MCHR2: variants seen among roughly 807,000 people sequenced by gnomAD.
MCHR2 encodes the protein melanin concentrating hormone receptor 2.
MCHR2 carries 15 observed loss-of-function variants against 24.8 expected under a neutral mutation model. That is an observed-to-expected ratio of 0.60 (90% confidence interval 0.40 to 0.93). MCHR2 has a LOEUF of 0.93. MCHR2 is among the 40% of genes least tolerant of loss of function. MCHR2 has a pLI of 0.00. For missense variants in MCHR2, 386 were observed against 408.7 expected, an observed-to-expected ratio of 0.94 and a Z score of 0.48; for synonymous variants, 151 against 147.6, an observed-to-expected ratio of 1.02 and a Z score of -0.17.
intron 1 of MCHR2, among the ~76,000 whole-genome samples, chr6:99,970,579 G>A (rs1158706829): frequency 6.6e-6 from 1 of 152,102 alleles, no homozygotes; most frequent in Non-Finnish European, 1.5e-5. Context: ...GATCCCATTT[G>A]TCAATTTTGG....
At chr6:99,928,505 C>T (rs1190880152) in intron 5 of MCHR2, among the ~76,000 whole-genome samples, 1 of 152,122 alleles carries the variant, frequency 6.6e-6, no homozygotes, top group Non-Finnish European at 1.5e-5. Context: ...ATTATTGCCA[C>T]AATTTCAGAT....
chr6:99,951,296 A>G (rs76143728), intron 2 of MCHR2, among the ~76,000 whole-genome samples: 2,908 of 152,186 alleles, frequency 0.019, 33 homozygotes, highest in Middle Eastern at 0.048. Context: ...TTCCTGAAGC[A>G]CTGTGCTGAG....
chr6:99,929,612 T>C (rs1774461621), intron 5 of MCHR2, among the ~76,000 whole-genome samples: 3 of 151,982 alleles, frequency 2.0e-5, no homozygotes, highest in African/African-American at 4.8e-5. Flanking sequence ...TTGTCTCTTC[T>C]GATCTTTGTT....
intron 1 of MCHR2, among the ~76,000 whole-genome samples, chr6:99,968,351 A>T (rs1296118914): frequency 6.6e-6 from 1 of 152,152 alleles, no homozygotes; most frequent in African/African-American, 2.4e-5. Context: ...CACTCCCATG[A>T]TCCCATCTTT....
At chr6:99,938,827 C>T (rs1774717956) in intron 4 of MCHR2, among the ~76,000 whole-genome samples, 1 of 152,032 alleles carries the variant, frequency 6.6e-6, no homozygotes, top group African/African-American at 2.4e-5. Flanking sequence ...CCTCTCTCTC[C>T]CTGAAGATCT....
At chr6:99,969,205 G>T (rs1191465322) in intron 1 of MCHR2, among the ~76,000 whole-genome samples, 1 of 152,070 alleles carries the variant, frequency 6.6e-6, no homozygotes, top group African/African-American at 2.4e-5. Context: ...GCCAGGCGTG[G>T]TGGCTCATGC....
intron 5 of MCHR2, among the ~76,000 whole-genome samples, chr6:99,927,801 C>T (rs1393279069): frequency 2.6e-5 from 4 of 152,162 alleles, no homozygotes; most frequent in Non-Finnish European, 5.9e-5. Flanking sequence ...ATTTGACTTC[C>T]TCTTTTCCTA....
rs556182746 is a variant in MCHR2, at chr6:99,979,881, T to G, written c.-28+14055A>C. ...CTTTAATAGGGTTAAAGAAGAAAATTTCTGAAAAATGTATGCTCCTTTGCA... is the reference window on the plus strand; with the variant it reads ...CTTTAATAGGGTTAAAGAAGAAAATGTCTGAAAAATGTATGCTCCTTTGCA... On this transcript the variant is annotated intron_variant, in intron 1 of 5. Transcript: ENST00000281806. Among the ~76,000 whole-genome samples the G allele has an allele frequency of 7.9e-5, 12 of 152,340 alleles. No homozygotes were observed. In the South Asian group the frequency reaches 2.5e-3, roughly 32 times the overall value.
At chr6:99,980,002 T>C (rs1775633491) in intron 1 of MCHR2, among the ~76,000 whole-genome samples, 1 of 152,210 alleles carries the variant, frequency 6.6e-6, no homozygotes, top group Non-Finnish European at 1.5e-5. Context: ...AGTTGTTTGT[T>C]GTTGAAATTT....
intron 1 of MCHR2, among the ~76,000 whole-genome samples, chr6:99,965,414 G>C (rs1325081716): frequency 3.9e-5 from 6 of 152,190 alleles, no homozygotes; most frequent in African/African-American, 1.4e-4. Context: ...AGGCAACACA[G>C]ATAAATATGA....
chr6:99,932,637 A>G (rs777125776), intron 5 of MCHR2, among the ~76,000 whole-genome samples: 7 of 152,168 alleles, frequency 4.6e-5, no homozygotes, highest in Non-Finnish European at 1.0e-4. Context: ...AAAAACATGT[A>G]AGTACAGTCT....
chr6:99,929,013 G>T (rs1458247568), intron 5 of MCHR2, among the ~76,000 whole-genome samples: 3 of 152,002 alleles, frequency 2.0e-5, no homozygotes, highest in East Asian at 1.9e-4. Flanking sequence ...CTTTGAATGT[G>T]TCCCAGAGAT....
chr6:99,935,484 G>A (rs1178091362), intron 4 of MCHR2, among the ~76,000 whole-genome samples: 1 of 151,750 alleles, frequency 6.6e-6, no homozygotes, highest in East Asian at 1.9e-4. Context: ...TACTTGGCTC[G>A]TTTCACTTAA....
At chr6:99,989,149 C>G (rs781709446) in intron 1 of MCHR2, among the ~76,000 whole-genome samples, 52 of 152,120 alleles carry the variant, frequency 3.4e-4, no homozygotes, top group Non-Finnish European at 6.2e-4. Flanking sequence ...TTTAAAATTA[C>G]TACCTACCAG....
chr6:99,927,108 CTTGT>C (rs1334440129), intron 5 of MCHR2, among the ~76,000 whole-genome samples: 1 of 152,064 alleles, frequency 6.6e-6, no homozygotes, highest in Non-Finnish European at 1.5e-5. Context: ...TTCCCCATTG[CTTGT>C]TTTTCTCAGG....
At chr6:99,977,689 T>C (rs541804099) in intron 1 of MCHR2, among the ~76,000 whole-genome samples, 1 of 152,238 alleles carries the variant, frequency 6.6e-6, no homozygotes, top group East Asian at 1.9e-4. Context: ...GTCCTGGGCA[T>C]AATGGCTACT....
intron 1 of MCHR2, among the ~76,000 whole-genome samples, chr6:99,977,613 A>AT (rs1278095149): frequency 5.3e-5 from 8 of 151,834 alleles, no homozygotes; most frequent in Non-Finnish European, 1.0e-4. Flanking sequence ...GGGTACATTT[A>AT]TTTTTTTTCC....
At chr6:99,981,018 C>T (rs1392844091) in intron 1 of MCHR2, among the ~76,000 whole-genome samples, 1 of 152,142 alleles carries the variant, frequency 6.6e-6, no homozygotes, top group Non-Finnish European at 1.5e-5. Context: ...CTTAGATAAT[C>T]TTCATGTCTT....
chr6:99,944,915 C>T (rs1342102782), intron 3 of MCHR2, among the ~76,000 whole-genome samples: 3 of 152,124 alleles, frequency 2.0e-5, no homozygotes, highest in Non-Finnish European at 4.4e-5. Flanking sequence ...AAGCTCTTCC[C>T]CTTTCAAGGT....
Sources: gnomAD v4.1 joint callset for allele counts (sites outside exome capture counted in the v4.1 genomes callset) on GRCh38, gnomAD v4.1.1 for gene constraint, MANE v1.5 for transcripts, NCBI Gene and HGNC (gene_info 2026-07-23, HGNC 2026-07-21) for gene names.